Variants in POP1 observed in about 807,000 individuals in gnomAD.
The protein encoded by POP1 is POP1 ribonuclease P/MRP subunit.
In POP1, 75 loss-of-function variants were observed where a neutral mutation model predicts 102.2. The observed-to-expected ratio is 0.73, with a 90% CI of 0.61 to 0.89. The LOEUF is 0.89. POP1 is among the 40% of genes least tolerant of loss of function. The pLI is 0.00. For missense variants in POP1, 1,116 were observed against 1,267.4 expected, an observed-to-expected ratio of 0.88 and a Z score of 1.81; for synonymous variants, 436 against 464.1, an observed-to-expected ratio of 0.94 and a Z score of 0.78.
At chr8:98,128,791 A>C (rs1816291173) in intron 4 of POP1, among the ~76,000 whole-genome samples, 11 of 151,972 alleles carry the variant, frequency 7.2e-5, no homozygotes. Context: ...GTGATGGTAC[A>C]TGTGTGCCTG....
rs777948013 is a variant in POP1, at chr8:98,140,176, C to T, written c.1461C>T (p.Phe487=). 2.5e-5 allele frequency: 40 copies of T among 1,613,772 alleles called. No individual in the cohort carries two copies. Among genetic ancestry groups the T allele is most frequent in the Middle Eastern group, 1.6e-4 (1 of 6,068 alleles). ...TTCATTGCAGACAAGAAGCCATTTT[C>T]GAGTTGTTGGGAGGTATACAAAGGG... ...VSLHCRQEAI[F]ELLGGITSPA... The change falls in exon 10 of 16, where the codon TTC becomes TTT. Residue 487 remains phenylalanine, a synonymous_variant. Coordinates refer to ENST00000401707, the MANE Select transcript of POP1 (RefSeq NM_001145860.2).
rs1034847892 is a variant in POP1 at position 98,159,178 on chromosome 8, T to C, written c.*907T>C. 2.0e-5 allele frequency: 3 copies of C among 152,144 alleles called. No homozygotes were observed. The highest frequency in any genetic ancestry group is 7.2e-5 in the African/African-American group (3 of 41,440). 9.4% of individuals were successfully genotyped at this position (152,144 alleles called of 1,614,324 possible). A position where few individuals can be genotyped will look rare whatever the true frequency, so the allele number is the denominator to read the frequency against. ...TTGCGGATCTCTAGGAAGGAAATGA[T>C]AGTGTATAGTATTTTCTAAATACTT... On this transcript the variant is annotated 3_prime_UTR_variant, in exon 16 of 16. Transcript: ENST00000401707.
chr8:98,137,323 G>C (rs1374005115), intron 9 of POP1, among the ~76,000 whole-genome samples: 2 of 150,982 alleles, frequency 1.3e-5, no homozygotes, highest in Non-Finnish European at 2.9e-5. Context: ...TTTTTTCTGA[G>C]ATTGAGTCTC....
intron 11 of POP1, 101 bp from the exon 12 acceptor site, chr8:98,146,467 T>G: frequency 5.9e-6 from 5 of 844,432 alleles, no homozygotes; most frequent in Non-Finnish European, 1.0e-5. Context: ...TAAATGCCTA[T>G]GAAATATTGT....
In POP1 at chr8:98,136,895, A is replaced by G; in HGVS notation, c.1303A>G (p.Ile435Val). 6.2e-7 allele frequency: 1 copy of G among 1,613,914 alleles called. No homozygotes were observed. The change falls in exon 9 of 16, where the codon ATT (isoleucine) becomes GTT (valine). Residue 435 changes from isoleucine to valine, a missense_variant. Coordinates refer to ENST00000401707, the MANE Select transcript of POP1 (RefSeq NM_001145860.2). ...LTMEMNRFRL[I>V]GPLSHSILTE... The stretch of plus-strand genomic sequence containing the variant: ...GATGGAGATGAACAGATTCCGGCTG[A>G]TTGGGCCACTTTCCCACTCCATCCT...
chr8:98,138,844 T>C (rs1816624346), intron 9 of POP1, among the ~76,000 whole-genome samples: 1 of 148,338 alleles, frequency 6.7e-6, no homozygotes, highest in Non-Finnish European at 1.5e-5. Flanking sequence ...TTTGTTATGA[T>C]TGCTTTTTTT....
chr8:98,132,543 T>TA (rs1816408003), intron 5 of POP1, among the ~76,000 whole-genome samples: 5 of 152,170 alleles, frequency 3.3e-5, no homozygotes, highest in African/African-American at 1.2e-4. Context: ...CTGAAATTGC[T>TA]TAAAGATGCT....
intron 14 of POP1, among the ~76,000 whole-genome samples, chr8:98,151,067 C>A (rs1055177624): frequency 6.6e-6 from 1 of 151,978 alleles, no homozygotes; most frequent in Non-Finnish European, 1.5e-5. Flanking sequence ...GTCCTGCCAC[C>A]CAGAGAGATA....
At chr8:98,130,698 G>A (rs1048578228) in intron 5 of POP1, among the ~76,000 whole-genome samples, 4 of 152,194 alleles carry the variant, frequency 2.6e-5, no homozygotes, top group Admixed American at 6.5e-5. Context: ...AGGTCTTGTT[G>A]ATCATGTCAA....
chr8:98,126,295 G>A (rs1053151425), intron 2 of POP1, among the ~76,000 whole-genome samples: 4 of 152,098 alleles, frequency 2.6e-5, no homozygotes, highest in African/African-American at 9.7e-5. Flanking sequence ...TACAGGTTGA[G>A]CATTCCTAAT....
At chr8:98,157,305 T>C (rs577502067) in intron 15 of POP1, among the ~76,000 whole-genome samples, 18 of 152,346 alleles carry the variant, frequency 1.2e-4, no homozygotes, top group East Asian at 3.9e-4. Context: ...CCTTTACTCA[T>C]TGAAATCTTA....
chr8:98,129,466 G>C (rs984660265), intron 4 of POP1, among the ~76,000 whole-genome samples: 1 of 152,184 alleles, frequency 6.6e-6, no homozygotes, highest in Non-Finnish European at 1.5e-5. Flanking sequence ...ATACTTTCTA[G>C]ATTTAATATA....
At chr8:98,125,773 C>T (rs1563770968) in intron 2 of POP1, among the ~76,000 whole-genome samples, 1 of 152,070 alleles carries the variant, frequency 6.6e-6, no homozygotes. Context: ...CTCCTGAGCT[C>T]AGGCAATCCA....
chr8:98,133,262 G>A (rs1816435171), intron 5 of POP1, among the ~76,000 whole-genome samples: 1 of 151,988 alleles, frequency 6.6e-6, no homozygotes. Context: ...TTATTATTAT[G>A]GATACTATAA....
intron 11 of POP1, among the ~76,000 whole-genome samples, chr8:98,141,235 G>C (rs2130612528): frequency 6.6e-6 from 1 of 152,148 alleles, no homozygotes; most frequent in East Asian, 1.9e-4. Flanking sequence ...CCCGAAGCTG[G>C]TCTTGTGCTC....
chr8:98,118,962 T>G (rs1353768087), intron 1 of POP1, among the ~76,000 whole-genome samples: 1 of 152,158 alleles, frequency 6.6e-6, no homozygotes, highest in African/African-American at 2.4e-5. Context: ...TGTGCTTCGA[T>G]TTCTTCATTT....
chr8:98,157,064 G>A (rs987144020), intron 15 of POP1, among the ~76,000 whole-genome samples: 1 of 151,398 alleles, frequency 6.6e-6, no homozygotes, highest in Admixed American at 6.6e-5. Flanking sequence ...ACCACGCCTG[G>A]CTAATTTTCA....
chr8:98,152,635 A>G (rs1809546188), intron 14 of POP1, among the ~76,000 whole-genome samples: 1 of 152,236 alleles, frequency 6.6e-6, no homozygotes, highest in African/African-American at 2.4e-5. Flanking sequence ...CGTAGAAACC[A>G]TTCTTAGCTC....
chr8:98,144,424 T>C (rs1816790945), intron 11 of POP1, among the ~76,000 whole-genome samples: 1 of 151,722 alleles, frequency 6.6e-6, no homozygotes, highest in African/African-American at 2.4e-5. Flanking sequence ...TACAGGCACA[T>C]ACCACTATGC....
Sources: gnomAD v4.1 joint callset for allele counts (sites outside exome capture counted in the v4.1 genomes callset) on GRCh38, gnomAD v4.1.1 for gene constraint, MANE v1.5 for transcripts, NCBI Gene and HGNC (gene_info 2026-07-23, HGNC 2026-07-21) for gene names.